The following RADX variants were observed in gnomAD, a reference collection of about 807,000 sequenced individuals.
RADX encodes the protein RPA1 related single stranded DNA binding protein, X-linked, also known as RPA-related protein RADX.
RADX carries 36 observed loss-of-function variants against 61.6 expected under a neutral mutation model. That is an observed-to-expected ratio of 0.58 (90% CI 0.45 to 0.77). RADX has a LOEUF of 0.77. Among genes scored for constraint, RADX ranks in the 30% least tolerant of loss-of-function variants. The probability of loss-of-function intolerance (pLI) is 0.00; values close to 1 mark genes in which losing one functional copy is unlikely to be tolerated. For missense variants in RADX, 497 were observed against 651.1 expected (o/e 0.76, Z 2.58); for synonymous variants, 272 against 237.9 (o/e 1.14, Z -1.32).
At chrX:106,667,947 C>T (rs1190345342) in intron 12 of RADX, among the ~76,000 whole-genome samples, 6 of 111,469 alleles carry the variant, frequency 5.4e-5, no homozygotes, top group Non-Finnish European at 1.1e-4. Flanking sequence ...AGCATGTGCA[C>T]ATTCATATGA....
chrX:106,667,078 T>C (rs5962712), intron 12 of RADX, among the ~76,000 whole-genome samples: 12,217 of 111,326 alleles, frequency 0.11, 1,644 homozygotes, highest in African/African-American at 0.38. Context: ...TATGAGAGCT[T>C]GTAGTAGAGT....
rs190819164 is a variant in RADX at position 106,633,744 on chromosome X, G to A, written c.1303+492G>A. Among the ~76,000 whole-genome samples the A allele has an allele frequency of 1.2e-4, 13 of 111,485 alleles. No homozygotes were observed. The East Asian group carries it at 3.1e-3, about 27-fold the overall frequency. On this transcript the variant is annotated intron_variant, in intron 6 of 13. Transcript: ENST00000372548. ...GTAAGTTGGTAGTGTTATTTATACC[G>A]GCTGGTCAATATTTTACTTTGGCTT...
chrX:106,664,589 T>G (rs1928182203), intron 12 of RADX, among the ~76,000 whole-genome samples: 1 of 111,534 alleles, frequency 9.0e-6, no homozygotes, highest in African/African-American at 3.3e-5. Context: ...AGGAATATAT[T>G]TTCACTTTAT....
Position 106,678,371 on chromosome X carries a change from T to C in RADX, c.*113T>C. The C allele has an allele frequency of 2.0e-6, 1 of 504,850 alleles. No homozygotes were observed. The highest frequency in any genetic ancestry group is 4.9e-5 in the South Asian group (1 of 20,439). 41.6% of individuals were successfully genotyped at this position (504,850 alleles called of 1,213,427 possible). On this transcript the variant is annotated 3_prime_UTR_variant, in exon 14 of 14. Transcript: ENST00000372548. ...TTCAGCAAGAATATTACATGAGCTC[T>C]AAAGTTATTAAGCAGTTTTATGTTC... is the stretch of plus-strand genomic sequence containing the variant.
chrX:106,653,497 G>A, intron 11 of RADX, among the ~76,000 whole-genome samples: 1 of 101,999 alleles, frequency 9.8e-6, no homozygotes, highest in Middle Eastern at 5.0e-3. Context: ...GGGCTTAATG[G>A]GATTATGTTT....
rs1340414400 is a variant in RADX at position 106,679,397 on chromosome X, G to A, written c.*1139G>A. On this transcript the variant is annotated 3_prime_UTR_variant, in exon 14 of 14. Coordinates refer to ENST00000372548, the MANE Select transcript of RADX (RefSeq NM_018015.6). ...GTTAACTAAACAGTGGATTCCTCTC[G>A]TGTTACAGTTTTGAGTGAATTATTA... 4.5e-5 allele frequency: 5 copies of A among 111,590 alleles called. No homozygotes were observed. Among genetic ancestry groups the A allele is most frequent in the East Asian group, 2.8e-4 (1 of 3,565 alleles). 9.2% of individuals were successfully genotyped at this position (111,590 alleles called of 1,213,427 possible).
intron 3 of RADX, among the ~76,000 whole-genome samples, chrX:106,632,336 A>G (rs768550573): frequency 1.2e-4 from 13 of 111,862 alleles, no homozygotes; most frequent in Non-Finnish European, 2.4e-4. Context: ...TATGAAGTTC[A>G]AAAACAAAGC....
intron 1 of RADX, among the ~76,000 whole-genome samples, chrX:106,620,167 A>C (rs1291297639): frequency 5.3e-5 from 6 of 112,198 alleles, no homozygotes; most frequent in Non-Finnish European, 1.1e-4. Flanking sequence ...GAAGATATGA[A>C]TATCCACCTG....
At position 106,612,665 on chromosome X, in the gene RADX, A is replaced by G. The variant is rs764402212; in HGVS notation, c.585A>G (p.Glu195=). Residue 195 remains glutamate (E), a synonymous_variant, in exon 1 of 14, where the codon GAA becomes GAG. Transcript: ENST00000372548. ...ATTACCTGGCGCTGTGGAATAACGAAGATCCCTATGGAGATATCTGGTTAA... is the reference window on the plus strand; with the variant it reads ...ATTACCTGGCGCTGTGGAATAACGAGGATCCCTATGGAGATATCTGGTTAA... ...KSHYLALWNN[E]DPYGDIWLTD... 1.7e-6 allele frequency: 2 copies of G among 1,208,508 alleles called. No homozygotes were observed. Among genetic ancestry groups the G allele is most frequent in the African/African-American group, 3.5e-5 (2 of 57,034 alleles).
intron 2 of RADX, among the ~76,000 whole-genome samples, chrX:106,623,692 T>TG (rs1333506576): frequency 9.0e-6 from 1 of 111,525 alleles, no homozygotes; most frequent in Non-Finnish European, 1.9e-5. Flanking sequence ...ATGTATTATA[T>TG]ATTTCATGTG....
At chrX:106,616,342 T>C (rs1183098949) in intron 1 of RADX, among the ~76,000 whole-genome samples, 1 of 111,878 alleles carries the variant, frequency 8.9e-6, no homozygotes, top group South Asian at 3.7e-4. Flanking sequence ...ATTAGTCTTA[T>C]TGTTGGTGTT....
chrX:106,633,199 T>C lies in RADX; in HGVS notation c.1250T>C (p.Ile417Thr). The change falls in exon 6 of 14, where the codon ATA becomes ACA. Residue 417 changes from isoleucine (I) to threonine (T), a missense_variant. Physicochemically the swap from Ile to Thr is moderately conservative, Grantham distance 89. This residue lies in a region of RADX where 196 missense variants were observed against 315.0 expected (regional missense o/e 0.62). Coordinates refer to ENST00000372548, the MANE Select transcript of RADX (RefSeq NM_018015.6). ...GACGGTACTTCAGAACAACCATTTA[T>C]AGTGGAACTGTTTTCAACATCGCAG... ...IADGTSEQPF[I>T]VELFSTSQPE... 2.5e-6 allele frequency: 3 copies of C among 1,204,853 alleles called. No individual in the cohort carries two copies. Among genetic ancestry groups the C allele is most frequent in the Non-Finnish European group, 3.4e-6 (3 of 889,529 alleles).
chrX:106,622,167 C>T (rs1021045762), intron 1 of RADX, among the ~76,000 whole-genome samples: 7 of 110,584 alleles, frequency 6.3e-5, no homozygotes, highest in African/African-American at 2.0e-4. Context: ...TCAAACTCCT[C>T]GGCACAAGCA....
chrX:106,623,271 T>C (rs1230615783), intron 2 of RADX, among the ~76,000 whole-genome samples: 1 of 111,788 alleles, frequency 8.9e-6, no homozygotes, highest in Non-Finnish European at 1.9e-5. Context: ...CCTTAGCTTA[T>C]CATTCACTAG....
intron 13 of RADX, among the ~76,000 whole-genome samples, chrX:106,670,248 A>C (rs749584541): frequency 9.0e-6 from 1 of 110,896 alleles, no homozygotes; most frequent in Non-Finnish European, 1.9e-5. Flanking sequence ...TACTTTCTAC[A>C]TTGGAGCTCC....
intron 11 of RADX, among the ~76,000 whole-genome samples, chrX:106,658,918 G>A (rs186909941): frequency 9.2e-6 from 1 of 108,496 alleles, no homozygotes; most frequent in African/African-American, 3.3e-5. Flanking sequence ...GAGAGGCAAA[G>A]AAAGTAGCTC....
chrX:106,640,900 G>A (rs1927496744), intron 10 of RADX, among the ~76,000 whole-genome samples, 179 bp downstream of exon 10: 1 of 111,186 alleles, frequency 9.0e-6, no homozygotes, highest in African/African-American at 3.3e-5. Context: ...GGAGGATAGA[G>A]TTCAAGATCA....
chrX:106,612,895 A>G (rs1926713737), intron 1 of RADX, among the ~76,000 whole-genome samples, 172 bp downstream of exon 1: 1 of 112,308 alleles, frequency 8.9e-6, no homozygotes, highest in Admixed American at 9.4e-5. Flanking sequence ...TTGCACAGCC[A>G]GTGGTTTTTG....
At chrX:106,673,388 T>C (rs746950436) in intron 13 of RADX, among the ~76,000 whole-genome samples, 40 of 110,621 alleles carry the variant, frequency 3.6e-4, no homozygotes, top group Admixed American at 1.2e-3. Context: ...GGCACTGGGT[T>C]CCCTCCTGGC....
Sources: gnomAD v4.1 joint callset for allele counts (sites outside exome capture counted in the v4.1 genomes callset) on GRCh38, gnomAD v4.1.1 for gene constraint, gnomAD v4.1.1 regional missense constraint, MANE v1.5 for transcripts, NCBI Gene and HGNC (gene_info 2026-07-23, HGNC 2026-07-21) for gene names.